Variants in DOCK7 observed in about 807,000 individuals in gnomAD.
DOCK7 encodes the protein dedicator of cytokinesis 7.
DOCK7 carries 138 observed loss-of-function variants against 271.0 expected under a neutral mutation model. The ratio of observed to expected loss-of-function variants is 0.51; its 90% CI spans 0.44 to 0.59. DOCK7 has a LOEUF of 0.59. Among genes scored for constraint, DOCK7 ranks in the 20% least tolerant of loss-of-function variants. DOCK7 has a pLI of 0.00. For synonymous variants in DOCK7, 823 were observed against 876.1 expected (o/e 0.94, Z 1.07); for missense variants, 2,066 against 2,592.4 (o/e 0.80, Z 4.41).
At chr1:62,602,188 C>T (rs1650222831) in intron 14 of DOCK7, 2 of 1,007,840 alleles carry the variant, frequency 2.0e-6, no homozygotes, top group Non-Finnish European at 3.1e-6. Flanking sequence ...AACTACCTTA[C>T]AAAACCACCA....
intron 1 of DOCK7, among the ~76,000 whole-genome samples, chr1:62,674,252 T>C (rs1660311366): frequency 6.6e-6 from 1 of 152,132 alleles, no homozygotes; most frequent in Admixed American, 6.5e-5. Flanking sequence ...ACAAGACCTT[T>C]ACACTGAAAA....
At chr1:62,673,975 T>C (rs1474057677) in intron 1 of DOCK7, among the ~76,000 whole-genome samples, 1 of 151,628 alleles carries the variant, frequency 6.6e-6, no homozygotes, top group African/African-American at 2.4e-5. Flanking sequence ...TAGGGAGGGA[T>C]GGATTAAAGG....
At position 62,579,695 on chromosome 1, in the gene DOCK7, G is replaced by GAAAAAA. The variant is rs34924913; in HGVS notation, c.1872-735_1872-730dup. Among the ~76,000 whole-genome samples, 30 of 63,882 alleles carry GAAAAAA rather than the reference G, an allele frequency of 4.7e-4. 1 individual carries two copies. The highest frequency in any genetic ancestry group is 1.3e-3 in the South Asian group (2 of 1,556). 41.9% of individuals were successfully genotyped at this position (63,882 alleles called of 152,430 possible). ...CTGGCCTAGGTGACAGAGTGAGACCGAAAAAAAAAAAAAAAAAAAAAAGAT... is the reference window on the plus strand; with the variant it reads ...CTGGCCTAGGTGACAGAGTGAGACCGAAAAAAAAAAAAAAAAAAAAAAAAAAAAGAT... On this transcript the variant is annotated intron_variant, in intron 16 of 49. Coordinates refer to ENST00000635253, the MANE Select transcript of DOCK7 (RefSeq NM_001367561.1).
At chr1:62,507,676 T>C (rs1333091370) in intron 35 of DOCK7, among the ~76,000 whole-genome samples, 1 of 152,196 alleles carries the variant, frequency 6.6e-6, no homozygotes, top group African/African-American at 2.4e-5. Flanking sequence ...TCTCACCTGA[T>C]GGCAGAACTT....
rs975003138 is a variant in DOCK7, at chr1:62,558,631, C to T, written c.2431+358G>A. ...GGTAGATTATACATCCTGTAAAATA[C>T]AACATGATTTACCTGTTTGCCTGTT... is the stretch of plus-strand genomic sequence containing the variant. On this transcript the variant is annotated intron_variant, in intron 20 of 49. Coordinates refer to ENST00000635253, the MANE Select transcript of DOCK7 (RefSeq NM_001367561.1). 5.3e-5 allele frequency among the ~76,000 whole-genome samples: 8 copies of T among 152,158 alleles called. No individual in the cohort carries two copies. The South Asian group carries it at 1.7e-3, about 32-fold the overall frequency.
intron 37 of DOCK7, among the ~76,000 whole-genome samples, chr1:62,498,339 A>G (rs1646682328): frequency 6.6e-6 from 1 of 152,080 alleles, no homozygotes; most frequent in Non-Finnish European, 1.5e-5. Context: ...AAAAAGCTCT[A>G]TCCATTTAGC....
intron 16 of DOCK7, among the ~76,000 whole-genome samples, chr1:62,582,605 A>C (rs34465969): frequency 0.38 from 52,254 of 139,190 alleles, 10,573 homozygotes; most frequent in African/African-American, 0.54. Flanking sequence ...GTGGGCCCCA[A>C]AAAAAAAAAG....
intron 33 of DOCK7, 73 bp downstream of exon 33, chr1:62,513,371 T>C (rs1644555851): frequency 7.2e-7 from 1 of 1,383,776 alleles, no homozygotes; most frequent in Admixed American, 2.7e-5. Flanking sequence ...TTAAAAAGCA[T>C]AGGATTGACA....
chr1:62,600,047 C>T (rs1370128168), intron 14 of DOCK7, among the ~76,000 whole-genome samples: 1 of 151,800 alleles, frequency 6.6e-6, no homozygotes, highest in East Asian at 1.9e-4. Context: ...GTTAGTAGTG[C>T]TGCTAAAAGG....
At chr1:62,546,005 T>C (rs1645695007) in intron 22 of DOCK7, among the ~76,000 whole-genome samples, 1 of 152,092 alleles carries the variant, frequency 6.6e-6, no homozygotes, top group Non-Finnish European at 1.5e-5. Context: ...TTTTAAAGAA[T>C]TATTAGGGTA....
At chr1:62,510,012 T>A (rs1644437037) in intron 34 of DOCK7, among the ~76,000 whole-genome samples, 1 of 152,162 alleles carries the variant, frequency 6.6e-6, no homozygotes, top group Non-Finnish European at 1.5e-5. Context: ...TAACTTATAA[T>A]TAGAAATTCT....
Position 62,670,208 on chromosome 1 carries a change from C to T in DOCK7, c.39-7078G>A, listed in dbSNP as rs558094939. 2.3e-3 allele frequency among the ~76,000 whole-genome samples: 351 copies of T among 152,360 alleles called. 2 individuals are homozygous for T. The highest frequency in any genetic ancestry group is 7.9e-3 in the African/African-American group (330 of 41,588). ...GGCTCCTTTGCGGCCCGAGCCTCCC[C>T]GACGAGCGCCACCCCCTGCTCCACA... On this transcript the variant is annotated intron_variant, in intron 1 of 49. Transcript: ENST00000635253.
intron 48 of DOCK7, chr1:62,458,680 C>CT (rs1645424159): frequency 6.6e-6 from 1 of 152,050 alleles, no homozygotes; most frequent in Non-Finnish European, 1.5e-5. Context: ...TTACAGGCGC[C>CT]TGCCACCACG....
chr1:62,532,661 G>A (rs1347148566), intron 29 of DOCK7, among the ~76,000 whole-genome samples: 15 of 152,156 alleles, frequency 9.9e-5, no homozygotes, highest in Admixed American at 7.2e-4. Context: ...AGGTTAGGTG[G>A]TCAATGAAAA....
intron 18 of DOCK7, among the ~76,000 whole-genome samples, chr1:62,568,333 C>G (rs1377092108): frequency 6.6e-6 from 1 of 150,460 alleles, no homozygotes; most frequent in African/African-American, 2.4e-5. Context: ...GACAGAGTCT[C>G]GCTGTCACCT....
intron 27 of DOCK7, 152 bp downstream of exon 27, chr1:62,539,393 T>A: frequency 6.4e-6 from 4 of 625,064 alleles, no homozygotes; most frequent in Non-Finnish European, 1.1e-5. Flanking sequence ...AATTTACTTT[T>A]GCCTTGCTAA....
At position 62,539,905 on chromosome 1, in the gene DOCK7, T is replaced by C; in HGVS notation, c.3046-13A>G. On this transcript the variant is annotated splice_polypyrimidine_tract_variant and intron_variant, in intron 25 of 49. Transcript: ENST00000635253. ...CCATGCTCTTTACCTGAAAAAAAGA[T>C]ATAAATTATTAATTTCCTATGAATA... 5 of 1,527,566 alleles carry C rather than the reference T, an allele frequency of 3.3e-6. No homozygotes were observed. The highest frequency in any genetic ancestry group is 2.3e-5 in the East Asian group (1 of 42,638). The allele number at this position is 1,527,566 out of a possible 1,614,324, so 94.6% of individuals were successfully genotyped here. A position where few individuals can be genotyped will look rare whatever the true frequency, so the allele number is the denominator to read the frequency against.
At chr1:62,610,148 C>T (rs1197883165) in intron 14 of DOCK7, among the ~76,000 whole-genome samples, 2 of 152,104 alleles carry the variant, frequency 1.3e-5, no homozygotes, top group Non-Finnish European at 2.9e-5. Context: ...CGCGCCCAGC[C>T]GACTCAGTTT....
chr1:62,647,875 T>C, intron 6 of DOCK7, 99 bp from the exon 7 acceptor site: 1 of 960,570 alleles, frequency 1.0e-6, no homozygotes, highest in Middle Eastern at 2.3e-4. Context: ...CTTTTAGTCT[T>C]CACAATAGAA....
Sources: allele counts gnomAD v4.1 joint callset (sites outside exome capture counted in the v4.1 genomes callset), GRCh38; gene constraint gnomAD v4.1.1; transcripts MANE v1.5; gene names NCBI Gene and HGNC (gene_info 2026-07-23, HGNC 2026-07-21).